Variants in ABL2 observed in about 807,000 individuals in gnomAD.
ABL2 encodes ABL proto-oncogene 2, non-receptor tyrosine kinase.
Under a neutral mutation model 107.7 loss-of-function variants are expected in ABL2, and 49 were observed. The observed-to-expected ratio is 0.45, with a 90% CI of 0.36 to 0.58. The LOEUF is 0.58. ABL2 is among the 20% of genes least tolerant of loss of function. ABL2 has a pLI of 0.00. For synonymous variants in ABL2, 549 were observed against 548.6 expected (o/e 1.00, Z -0.01); for missense variants, 1,245 against 1,457.0 (o/e 0.85, Z 2.37).
At chr1:179,139,432 A>G (rs888837636) in intron 1 of ABL2, among the ~76,000 whole-genome samples, 3 of 152,036 alleles carry the variant, frequency 2.0e-5, no homozygotes, top group Admixed American at 2.0e-4. Context: ...AACTCCAGAC[A>G]CGCCACCTTA....
intron 3 of ABL2, 142 bp downstream of exon 3, chr1:179,131,169 C>G: frequency 1.3e-6 from 1 of 768,850 alleles, no homozygotes; most frequent in South Asian, 2.1e-5. Flanking sequence ...GTCTCAAACT[C>G]CTGACCTCAG....
intron 1 of ABL2, among the ~76,000 whole-genome samples, chr1:179,155,472 G>A (rs914803463): frequency 6.6e-6 from 1 of 152,092 alleles, no homozygotes; most frequent in Non-Finnish European, 1.5e-5. Context: ...GCTCACACCT[G>A]TAATCCCAGC....
At chr1:179,119,593 G>C (rs574945757) in intron 6 of ABL2, among the ~76,000 whole-genome samples, 13 of 149,400 alleles carry the variant, frequency 8.7e-5, no homozygotes, top group Non-Finnish European at 1.8e-4. Context: ...TTTAAAAAAG[G>C]AAAAAGGCTT....
At chr1:179,229,188 A>ACC in intron 1 of ABL2, 53 bp downstream of exon 1, 1 of 125,704 alleles carries the variant, frequency 8.0e-6, no homozygotes, top group South Asian at 7.8e-5. Context: ...CCCCGCCCCG[A>ACC]CCCCACCCCC....
chr1:179,154,803 T>C (rs1309883233), intron 1 of ABL2, among the ~76,000 whole-genome samples: 1 of 152,196 alleles, frequency 6.6e-6, no homozygotes, highest in African/African-American at 2.4e-5. Flanking sequence ...TTATTGAAGG[T>C]ATAGGTGTTC....
chr1:179,207,907 T>C (rs1290602683), intron 1 of ABL2, among the ~76,000 whole-genome samples: 1 of 152,194 alleles, frequency 6.6e-6, no homozygotes, highest in East Asian at 1.9e-4. Flanking sequence ...AAATGCTTCA[T>C]GAATTATTAG....
At chr1:179,186,388 G>T (rs1453887004) in intron 1 of ABL2, among the ~76,000 whole-genome samples, 1 of 151,968 alleles carries the variant, frequency 6.6e-6, no homozygotes, top group Non-Finnish European at 1.5e-5. Flanking sequence ...TGTTGTTGTT[G>T]TTGTTTTGAG....
intron 10 of ABL2, among the ~76,000 whole-genome samples, chr1:179,111,879 A>C (rs2102591397): frequency 6.6e-6 from 1 of 152,166 alleles, no homozygotes; most frequent in East Asian, 1.9e-4. Flanking sequence ...CCCCATCTCT[A>C]CTAAAAATAA....
chr1:179,132,837 C>T (rs901621936), intron 2 of ABL2, among the ~76,000 whole-genome samples: 8 of 150,710 alleles, frequency 5.3e-5, no homozygotes, highest in South Asian at 2.1e-4. Flanking sequence ...CCACCACACC[C>T]GGCTGACTTA....
At chr1:179,136,339 G>A (rs1223984128) in intron 1 of ABL2, among the ~76,000 whole-genome samples, 1 of 151,784 alleles carries the variant, frequency 6.6e-6, no homozygotes, top group African/African-American at 2.4e-5. Context: ...GTAGACATGG[G>A]AGACTTTTCA....
Position 179,103,934 on chromosome 1 carries a change from A to G in ABL2, c.*3784T>C. On this transcript the variant is annotated 3_prime_UTR_variant, in exon 12 of 12. Transcript: ENST00000502732. ...GGGTTGGGGTACTGATAGTTTTCAG[A>G]TAGCACTGGGTGTTTCAAACACCTG... is the stretch of plus-strand genomic sequence containing the variant. The G allele has an allele frequency of 4.3e-6, 1 of 233,224 alleles. No homozygotes were observed. Among genetic ancestry groups the G allele is most frequent in the East Asian group, 6.0e-5 (1 of 16,536 alleles). The allele number at this position is 233,224 out of a possible 1,614,324, so 14.4% of individuals were successfully genotyped here.
At position 179,223,650 on chromosome 1, in the gene ABL2, T is replaced by A. The variant is rs529702106; in HGVS notation, c.157+5591A>T. On this transcript the variant is annotated intron_variant, in intron 1 of 11. Coordinates refer to ENST00000502732, the MANE Select transcript of ABL2 (RefSeq NM_007314.4). Reference sequence around the variant, plus strand: ...AAAAATCTAACAGCTGATTTTTTTTTAAAAGTTTAGTCTGCAGGATTGGCA... The same window carrying A: ...AAAAATCTAACAGCTGATTTTTTTTAAAAAGTTTAGTCTGCAGGATTGGCA... 1.2e-3 allele frequency among the ~76,000 whole-genome samples: 180 copies of A among 152,050 alleles called. 1 individual carries two copies. Among genetic ancestry groups the A allele is most frequent in the East Asian group, 1.3e-3 (7 of 5,190 alleles).
intron 1 of ABL2, among the ~76,000 whole-genome samples, chr1:179,202,918 T>C (rs908335340): frequency 6.6e-6 from 1 of 152,112 alleles, no homozygotes; most frequent in Admixed American, 6.6e-5. Context: ...AGATCTCCAG[T>C]TTAGAAGGTT....
In ABL2 at chr1:179,121,708, T is replaced by C; in HGVS notation, c.847A>G (p.Met283Val). The C allele has an allele frequency of 1.2e-6, 2 of 1,614,096 alleles. No individual in the cohort carries two copies. Among genetic ancestry groups the C allele is most frequent in the Non-Finnish European group, 1.7e-6 (2 of 1,180,020 alleles). ...TTCATGGTAATATCTGTTCGCTCCATTTCCCATTTGTCGTGGATGGGGGAC... is the reference window on the plus strand; with the variant it reads ...TTCATGGTAATATCTGTTCGCTCCACTTCCCATTTGTCGTGGATGGGGGAC... ...GVSPIHDKWE[M>V]ERTDITMKHK... Residue 283 changes from methionine (M) to valine (V), a missense_variant, in exon 5 of 12, where the codon ATG becomes GTG. By Grantham distance (21) the Met-to-Val change is conservative. This residue lies in a region of ABL2 where 320 missense variants were observed against 547.0 expected (regional missense o/e 0.59). Transcript: ENST00000502732.
chr1:179,204,135 C>G (rs1242102330), intron 1 of ABL2, among the ~76,000 whole-genome samples: 1 of 151,924 alleles, frequency 6.6e-6, no homozygotes, highest in Non-Finnish European at 1.5e-5. Flanking sequence ...CAAGCAATTC[C>G]CCTACCTCAG....
intron 1 of ABL2, among the ~76,000 whole-genome samples, chr1:179,139,522 C>T (rs1013615448): frequency 6.6e-6 from 1 of 152,236 alleles, no homozygotes; most frequent in Non-Finnish European, 1.5e-5. Context: ...ATTCCGGACA[C>T]AGCTCCCTTC....
At chr1:179,143,339 T>C (rs1235250286) in intron 1 of ABL2, among the ~76,000 whole-genome samples, 1 of 152,132 alleles carries the variant, frequency 6.6e-6, no homozygotes, top group Non-Finnish European at 1.5e-5. Context: ...GTATAACAAA[T>C]AGCCTAATAA....
At chr1:179,112,652 TG>T (rs1654201781) in intron 9 of ABL2, among the ~76,000 whole-genome samples, 1 of 151,854 alleles carries the variant, frequency 6.6e-6, no homozygotes, top group African/African-American at 2.4e-5. Context: ...GCAGCTGGCA[TG>T]ATCTCAACTC....
intron 1 of ABL2, among the ~76,000 whole-genome samples, chr1:179,190,675 T>C (rs1178230578): frequency 1.3e-5 from 2 of 152,088 alleles, no homozygotes; most frequent in Non-Finnish European, 2.9e-5. Flanking sequence ...CTCCTCAGTC[T>C]TTCAGGTGAC....
Sources: allele counts gnomAD v4.1 joint callset (sites outside exome capture counted in the v4.1 genomes callset), GRCh38; gene constraint gnomAD v4.1.1; regional missense constraint gnomAD v4.1.1; transcripts MANE v1.5; gene names NCBI Gene and HGNC (gene_info 2026-07-23, HGNC 2026-07-21).